The following TRIM34 variants were observed in gnomAD, a reference collection of about 807,000 sequenced individuals.
The protein encoded by TRIM34 is E3 ubiquitin-protein ligase TRIM34.
TRIM34 carries 41 observed loss-of-function variants against 38.1 expected under a neutral mutation model. The ratio of observed to expected loss-of-function variants is 1.08; its 90% CI spans 0.84 to 1.40. The LOEUF is 1.40. Ranked by LOEUF, TRIM34 falls within the 40% of genes most tolerant of loss-of-function variation. The pLI is 0.00. For synonymous variants in TRIM34, 200 were observed against 202.5 expected (o/e 0.99, Z 0.10); for missense variants, 556 against 571.4 (o/e 0.97, Z 0.27).
In TRIM34 at chr11:5,629,944, G is replaced by A. The variant is rs1332051866; in HGVS notation, c.-77-2311G>A. Among the ~76,000 whole-genome samples, 4 of 152,140 alleles carry A rather than the reference G, an allele frequency of 2.6e-5. No individual in the cohort carries two copies. In the East Asian group the frequency reaches 7.7e-4, roughly 29 times the overall value. On this transcript the variant is annotated intron_variant, in intron 1 of 7. Transcript: ENST00000429814. Reference sequence around the variant, plus strand: ...GATGGTCTTGATCTCCTTACCTCGTGATCCGCCTGCCTCGGCCTCCCAAAG... The same window carrying A: ...GATGGTCTTGATCTCCTTACCTCGTAATCCGCCTGCCTCGGCCTCCCAAAG...
In TRIM34 at chr11:5,625,050, T is replaced by C. The variant is rs1396216512; in HGVS notation, c.-88T>C. 1 of 152,348 alleles carries C rather than the reference T, an allele frequency of 6.6e-6. No individual in the cohort carries two copies. The highest frequency in any genetic ancestry group is 2.4e-5 in the African/African-American group (1 of 41,454). 9.4% of individuals were successfully genotyped at this position (152,348 alleles called of 1,614,324 possible). A position where few individuals can be genotyped will look rare whatever the true frequency, so the allele number is the denominator to read the frequency against. On this transcript the variant is annotated 5_prime_UTR_variant, in exon 1 of 8. Coordinates refer to ENST00000429814, the MANE Select transcript of TRIM34 (RefSeq NM_021616.6). ...CTTCAACCAGGAGCCGAGATTTCTG[T>C]TGCTCTGAAGGTGTGTGGGGAGGTT...
rs148309490 is a variant in TRIM34 at position 5,643,242 on chromosome 11, T to C, written c.1000T>C (p.Tyr334His). The C allele has an allele frequency of 1.2e-6, 2 of 1,613,866 alleles. No individual in the cohort carries two copies. Among genetic ancestry groups the C allele is most frequent in the African/African-American group, 1.3e-5 (1 of 74,886 alleles). ...TGTGCCAATTTGGCCTTTTCAGTGTTATAATTATGGTGTCTTGGGATCCCA... is the reference window on the plus strand; with the variant it reads ...TGTGCCAATTTGGCCTTTTCAGTGTCATAATTATGGTGTCTTGGGATCCCA... ...ISVPIWPFQC[Y>H]NYGVLGSQYF... The change falls in exon 8 of 8, where the codon TAT (tyrosine) becomes CAT (histidine). Residue 334 changes from tyrosine (Y) to histidine (H), a missense_variant. Coordinates refer to ENST00000429814, the MANE Select transcript of TRIM34 (RefSeq NM_021616.6).
chr11:5,628,255 C>A (rs1445637997), intron 1 of TRIM34, among the ~76,000 whole-genome samples: 1 of 152,200 alleles, frequency 6.6e-6, no homozygotes, highest in Non-Finnish European at 1.5e-5. Context: ...TCCTGGAGCC[C>A]CCCGGTATTT....
chr11:5,632,199 A>G, intron 1 of TRIM34, 56 bp from the exon 2 acceptor site: 1 of 1,523,268 alleles, frequency 6.6e-7, no homozygotes, highest in Non-Finnish European at 8.8e-7. Context: ...TGTCTGTGCA[A>G]TTAGAATGCT....
rs527292815 is a variant in TRIM34 at position 5,630,435 on chromosome 11, G to C, written c.-77-1820G>C. Among the ~76,000 whole-genome samples the C allele has an allele frequency of 5.9e-5, 9 of 152,196 alleles. No individual in the cohort carries two copies. In the South Asian group the frequency reaches 1.9e-3, roughly 32 times the overall value. ...ACCTCCTATTCATTGGAAAGAGACT[G>C]TCACTTTTACTTCATTTAGGAAGTG... is the stretch of plus-strand genomic sequence containing the variant. On this transcript the variant is annotated intron_variant, in intron 1 of 7. Transcript: ENST00000429814.
intron 1 of TRIM34, among the ~76,000 whole-genome samples, chr11:5,631,891 T>C (rs1031156602): frequency 6.6e-6 from 1 of 152,108 alleles, no homozygotes; most frequent in African/African-American, 2.4e-5. Flanking sequence ...CATTTAAAAA[T>C]AGATAATGAT....
intron 4 of TRIM34, among the ~76,000 whole-genome samples, chr11:5,637,581 AT>A (rs916840334): frequency 2.6e-5 from 4 of 152,018 alleles, no homozygotes; most frequent in African/African-American, 9.7e-5. Flanking sequence ...ATTATTTAAA[AT>A]TTTTTTTCCA....
At chr11:5,621,391 C>A (rs1208577526), upstream of TRIM34, among the ~76,000 whole-genome samples, 1 of 152,186 alleles carries the variant, frequency 6.6e-6, no homozygotes, top group Non-Finnish European at 1.5e-5. Flanking sequence ...GAGGATATGA[C>A]CCTTGCCAAC....
chr11:5,633,955 CA>C (rs1849603168), intron 3 of TRIM34, 56 bp downstream of exon 3: 38 of 1,588,592 alleles, frequency 2.4e-5, no homozygotes, highest in Non-Finnish European at 2.9e-5. Flanking sequence ...GACCTTAATC[CA>C]AGGAGGCCTC....
upstream of TRIM34, among the ~76,000 whole-genome samples, chr11:5,623,045 G>T (rs1459462774): frequency 6.7e-6 from 1 of 148,972 alleles, no homozygotes; most frequent in Non-Finnish European, 1.5e-5. Flanking sequence ...GGCAAAGGAA[G>T]TAACCAGATA....
rs1266465946 is a variant in TRIM34 at position 5,627,421 on chromosome 11, T to A, written c.-78+2361T>A. On this transcript the variant is annotated intron_variant, in intron 1 of 7. Coordinates refer to ENST00000429814, the MANE Select transcript of TRIM34 (RefSeq NM_021616.6). ...GCAATGATAGTATCAGCAAGACTAG[T>A]GGAAGAACAATTTCCTGAATTCAGG... 2.6e-5 allele frequency among the ~76,000 whole-genome samples: 4 copies of A among 152,028 alleles called. No individual in the cohort carries two copies. In the South Asian group the frequency reaches 6.2e-4, roughly 24 times the overall value.
intron 3 of TRIM34, 97 bp from the exon 4 acceptor site, chr11:5,634,529 ACATAT>A: frequency 3.5e-6 from 2 of 579,616 alleles, no homozygotes; most frequent in Non-Finnish European, 5.1e-6. Flanking sequence ...ACACACACAC[ACATAT>A]ATATATATAT....
At chr11:5,629,844 A>T (rs781386989) in intron 1 of TRIM34, among the ~76,000 whole-genome samples, 22 of 152,070 alleles carry the variant, frequency 1.4e-4, no homozygotes, top group Non-Finnish European at 3.1e-4. Context: ...AGTAGCTGGG[A>T]CTACAGGCGC....
At chr11:5,626,414 T>C (rs952999864) in intron 1 of TRIM34, among the ~76,000 whole-genome samples, 2 of 152,234 alleles carry the variant, frequency 1.3e-5, no homozygotes, top group East Asian at 3.8e-4. Flanking sequence ...CATGAAGGCC[T>C]TGCAACTTTA....
upstream of TRIM34, among the ~76,000 whole-genome samples, chr11:5,623,773 G>C (rs10838441): frequency 0.24 from 36,789 of 151,948 alleles, 4,879 homozygotes; most frequent in East Asian, 0.45. Context: ...TATTCCCAAG[G>C]TATTGGATGT....
At chr11:5,641,741 A>G (rs1241107031) in intron 5 of TRIM34, among the ~76,000 whole-genome samples, 1 of 152,226 alleles carries the variant, frequency 6.6e-6, no homozygotes. Context: ...AGAAGCTCCT[A>G]TGGAAAAGTG....
Position 5,634,621 on chromosome 11 carries a change from A to C in TRIM34, c.520-10A>C, listed in dbSNP as rs760817461. The C allele has an allele frequency of 2.5e-5, 40 of 1,607,454 alleles. No homozygotes were observed. Among genetic ancestry groups the C allele is most frequent in the Non-Finnish European group, 3.4e-5 (40 of 1,176,220 alleles). On this transcript the variant is annotated splice_polypyrimidine_tract_variant and intron_variant, in intron 3 of 7. Transcript: ENST00000429814. ...AACTTACTACAACTCTCTCTTGTCC[A>C]TCCTTGCAGTATCAGGTACAAACTG...
At chr11:5,633,226 A>G (rs1849568840) in intron 2 of TRIM34, among the ~76,000 whole-genome samples, 1 of 148,300 alleles carries the variant, frequency 6.7e-6, no homozygotes, top group East Asian at 2.0e-4. Flanking sequence ...AAAAGGAGTC[A>G]GCCCTTTTCA....
At chr11:5,623,626 C>T (rs1350551171), upstream of TRIM34, among the ~76,000 whole-genome samples, 3 of 151,664 alleles carry the variant, frequency 2.0e-5, no homozygotes, top group African/African-American at 4.8e-5. Flanking sequence ...GTGATCCGCC[C>T]GCCTCAACCT....
Sources: allele counts gnomAD v4.1 joint callset (sites outside exome capture counted in the v4.1 genomes callset), GRCh38; gene constraint gnomAD v4.1.1; transcripts MANE v1.5; gene names NCBI Gene and HGNC (gene_info 2026-07-23, HGNC 2026-07-21).